Variants in CADPS2 observed in about 807,000 individuals in gnomAD.
CADPS2 encodes the protein calcium-dependent secretion activator 2.
Under a neutral mutation model 172.5 loss-of-function variants are expected in CADPS2, and 93 were observed. That is an observed-to-expected ratio of 0.54 (90% CI 0.46 to 0.64). The LOEUF (loss-of-function observed/expected upper bound fraction) is 0.64. Ranked by LOEUF, CADPS2 falls within the 30% of genes least tolerant of loss-of-function variation. CADPS2 has a pLI of 0.00. For synonymous variants in CADPS2, 546 were observed against 555.2 expected (o/e 0.98, Z 0.23); for missense variants, 1,420 against 1,565.9 (o/e 0.91, Z 1.57).
At chr7:122,721,463 C>T (rs574025728) in intron 2 of CADPS2, among the ~76,000 whole-genome samples, 1 of 152,202 alleles carries the variant, frequency 6.6e-6, no homozygotes, top group South Asian at 2.1e-4. Context: ...TTCCTCAACA[C>T]ATACACCCTC....
chr7:122,842,564 T>C (rs1353595289), intron 1 of CADPS2, among the ~76,000 whole-genome samples: 2 of 152,118 alleles, frequency 1.3e-5, no homozygotes, highest in Non-Finnish European at 2.9e-5. Flanking sequence ...AACAATATGA[T>C]AATACAGAAA....
At chr7:122,513,446 A>G in intron 8 of CADPS2, 131 bp from the exon 9 acceptor site, 1 of 669,126 alleles carries the variant, frequency 1.5e-6, no homozygotes, top group East Asian at 2.8e-5. Context: ...TCATTTGGAA[A>G]GTGAGACAAC....
chr7:122,611,826 A>C (rs922542361), intron 6 of CADPS2, among the ~76,000 whole-genome samples: 6 of 152,052 alleles, frequency 3.9e-5, no homozygotes, highest in African/African-American at 1.4e-4. Flanking sequence ...AGCACTAGAA[A>C]ACCAAATCCA....
At chr7:122,712,901 A>G (rs2088984611) in intron 2 of CADPS2, among the ~76,000 whole-genome samples, 1 of 152,000 alleles carries the variant, frequency 6.6e-6, no homozygotes, top group Non-Finnish European at 1.5e-5. Flanking sequence ...CTCTGCTCCC[A>G]TGAGCTAATC....
intron 2 of CADPS2, chr7:122,701,895 C>T (rs1396952831): frequency 6.2e-7 from 1 of 1,613,400 alleles, no homozygotes; most frequent in Non-Finnish European, 8.5e-7. Flanking sequence ...AGCCAGGGGT[C>T]AATGCATGCC....
Position 122,705,918 on chromosome 7 carries a change from A to T in CADPS2, c.453+31037T>A, listed in dbSNP as rs1178160524. Among the ~76,000 whole-genome samples, 2 of 2,810 alleles carry T rather than the reference A, an allele frequency of 7.1e-4. 1 individual carries two copies. Among genetic ancestry groups the T allele is most frequent in the African/African-American group, 1.8e-3 (2 of 1,104 alleles). The allele number at this position is 2,810 out of a possible 152,430, so 1.8% of individuals were successfully genotyped here. On this transcript the variant is annotated intron_variant, in intron 2 of 29. Transcript: ENST00000449022. ...AATATAATATATAATATATTATATA[A>T]TATAATATATAATATATTATATAAT...
chr7:122,517,457 A>G (rs968206084), intron 8 of CADPS2, among the ~76,000 whole-genome samples: 1 of 152,072 alleles, frequency 6.6e-6, no homozygotes, highest in African/African-American at 2.4e-5. Flanking sequence ...GTACATGTTT[A>G]ACTTTACAAG....
chr7:122,863,793 G>T (rs1010748230), intron 1 of CADPS2, among the ~76,000 whole-genome samples: 12 of 152,184 alleles, frequency 7.9e-5, no homozygotes, highest in African/African-American at 2.9e-4. Context: ...ACTTTGAAAG[G>T]CTGAGGCATG....
At chr7:122,515,577 G>C (rs2060297988) in intron 8 of CADPS2, among the ~76,000 whole-genome samples, 1 of 151,996 alleles carries the variant, frequency 6.6e-6, no homozygotes, top group African/African-American at 2.4e-5. Flanking sequence ...CCTTTGCCTG[G>C]AACCACAGCC....
intron 1 of CADPS2, among the ~76,000 whole-genome samples, chr7:122,750,692 G>C (rs963184677): frequency 2.6e-5 from 4 of 152,082 alleles, no homozygotes; most frequent in African/African-American, 9.7e-5. Flanking sequence ...AAAGAAAGAA[G>C]AACAAGTGAA....
At chr7:122,439,175 G>A (rs1427111303) in intron 16 of CADPS2, among the ~76,000 whole-genome samples, 2 of 152,022 alleles carry the variant, frequency 1.3e-5, no homozygotes, top group Non-Finnish European at 2.9e-5. Flanking sequence ...TGTTATTACT[G>A]GGCAAGGGGA....
intron 29 of CADPS2, among the ~76,000 whole-genome samples, chr7:122,323,156 T>C (rs10282257): frequency 0.36 from 55,023 of 151,992 alleles, 10,173 homozygotes; most frequent in East Asian, 0.47. Context: ...ATTAGAACAT[T>C]AAATTATTAA....
intron 2 of CADPS2, among the ~76,000 whole-genome samples, chr7:122,670,869 C>CA (rs35788531): frequency 0.38 from 46,921 of 122,800 alleles, 8,418 homozygotes; most frequent in Non-Finnish European, 0.45. Flanking sequence ...AACCCTGTTT[C>CA]AAAAAAAAAA....
intron 2 of CADPS2, among the ~76,000 whole-genome samples, chr7:122,714,913 A>T (rs1482610170): frequency 6.6e-6 from 1 of 152,076 alleles, no homozygotes; most frequent in African/African-American, 2.4e-5. Context: ...CGTTTTATCA[A>T]TTAGAAAATG....
At chr7:122,456,608 T>G (rs1419592950) in intron 14 of CADPS2, among the ~76,000 whole-genome samples, 1 of 152,182 alleles carries the variant, frequency 6.6e-6, no homozygotes, top group African/African-American at 2.4e-5. Flanking sequence ...GAACACCAAG[T>G]GCAGTTGTGT....
chr7:122,514,646 A>G (rs1434698883), intron 8 of CADPS2, among the ~76,000 whole-genome samples: 1 of 152,124 alleles, frequency 6.6e-6, no homozygotes, highest in Non-Finnish European at 1.5e-5. Context: ...TCCTGAATGT[A>G]TTAAGGTAAT....
At chr7:122,383,798 G>T (rs976644442) in intron 24 of CADPS2, among the ~76,000 whole-genome samples, 1 of 152,038 alleles carries the variant, frequency 6.6e-6, no homozygotes, top group Non-Finnish European at 1.5e-5. Flanking sequence ...AAAAGATTTT[G>T]GACCTTGTCT....
intron 11 of CADPS2, among the ~76,000 whole-genome samples, chr7:122,487,792 G>C (rs192188461): frequency 9.9e-5 from 15 of 152,252 alleles, no homozygotes; most frequent in Admixed American, 9.8e-4. Context: ...CTCTGGAGGA[G>C]TGAATAGAAA....
At chr7:122,880,163 G>T (rs1822497118) in intron 1 of CADPS2, among the ~76,000 whole-genome samples, 1 of 152,120 alleles carries the variant, frequency 6.6e-6, no homozygotes, top group Non-Finnish European at 1.5e-5. Flanking sequence ...ATTACTGAGT[G>T]TCAGCTCCAA....
Sources: gnomAD v4.1 joint callset for allele counts (sites outside exome capture counted in the v4.1 genomes callset) on GRCh38, gnomAD v4.1.1 for gene constraint, MANE v1.5 for transcripts, NCBI Gene and HGNC (gene_info 2026-07-23, HGNC 2026-07-21) for gene names.